The following INSL6 variants were observed in gnomAD, a reference collection of about 807,000 sequenced individuals.
INSL6 encodes insulin-like peptide INSL6.
Under a neutral mutation model 9.4 loss-of-function variants are expected in INSL6, and 16 were observed. That is an observed-to-expected ratio of 1.70 (90% CI 1.15 to 2.59). The LOEUF (loss-of-function observed/expected upper bound fraction) is 2.59, where lower values mean the gene tolerates loss of function less well. INSL6 is among the 30% of genes most tolerant of loss of function. The pLI is 0.00. For missense variants in INSL6, 391 were observed against 257.3 expected (o/e 1.52, Z -3.56); for synonymous variants, 154 against 96.9 (o/e 1.59, Z -3.46).
chr9:5,060,824 C>T, the INSL6 span, among the ~76,000 whole-genome samples: 991 of 152,308 alleles, frequency 6.5e-3, 7 homozygotes, highest in African/African-American at 0.022. Context: ...TACCCAGCTC[C>T]ATCAGATGAA....
chr9:5,025,124 G>A, the INSL6 span, among the ~76,000 whole-genome samples: 2 of 152,066 alleles, frequency 1.3e-5, no homozygotes, highest in African/African-American at 4.8e-5. Context: ...AGTTCATTCT[G>A]ACAGTTTTTA....
At chr9:5,142,902 C>A (rs1338279213) in intron 2 of INSL6, among the ~76,000 whole-genome samples, 2 of 152,078 alleles carry the variant, frequency 1.3e-5, no homozygotes, top group Admixed American at 1.3e-4. Flanking sequence ...GACAGTTTAA[C>A]ATGAATGGAT....
At chr9:4,992,198 T>A in the INSL6 span, among the ~76,000 whole-genome samples, 5 of 152,188 alleles carry the variant, frequency 3.3e-5, no homozygotes, top group African/African-American at 1.2e-4. Context: ...TTGACTGGGA[T>A]GTTAGCTGGG....
chr9:5,049,261 C>T, the INSL6 span, among the ~76,000 whole-genome samples: 5 of 152,142 alleles, frequency 3.3e-5, no homozygotes, highest in African/African-American at 4.8e-5. Flanking sequence ...ATGATGAAAA[C>T]AGATCTCCAT....
At chr9:5,098,062 A>AATT in the INSL6 span, 3 of 152,214 alleles carry the variant, frequency 2.0e-5, no homozygotes, top group African/African-American at 7.2e-5. Context: ...TTATGCTAAC[A>AATT]ATTTTTATAA....
chr9:5,132,324 T>G (rs1824307302), intron 3 of INSL6, among the ~76,000 whole-genome samples: 1 of 152,168 alleles, frequency 6.6e-6, no homozygotes, highest in Admixed American at 6.5e-5. Flanking sequence ...AGAATTTCAG[T>G]TTCTATCATC....
the INSL6 span, among the ~76,000 whole-genome samples, chr9:5,075,043 C>G: frequency 6.6e-6 from 1 of 151,964 alleles, no homozygotes; most frequent in African/African-American, 2.4e-5. Flanking sequence ...TCACAACATT[C>G]CCTTGAGCCA....
intron 2 of INSL6, among the ~76,000 whole-genome samples, chr9:5,135,606 A>G (rs936082242): frequency 2.0e-5 from 3 of 152,160 alleles, no homozygotes. Context: ...CAGAATCTCT[A>G]GGACACATTT....
intron 2 of INSL6, among the ~76,000 whole-genome samples, chr9:5,154,744 T>G (rs1824782769): frequency 6.6e-6 from 1 of 152,170 alleles, no homozygotes; most frequent in African/African-American, 2.4e-5. Context: ...CCACTGGCCA[T>G]CAGAGAAATG....
the INSL6 span, among the ~76,000 whole-genome samples, chr9:5,036,591 GACAAAA>G: frequency 1.3e-5 from 2 of 152,138 alleles, no homozygotes; most frequent in African/African-American, 2.4e-5. Flanking sequence ...TGACAAACCT[GACAAAA>G]ACAAGAAATG....
the INSL6 span, chr9:5,085,218 C>T: frequency 1.3e-4 from 86 of 666,852 alleles, no homozygotes; most frequent in African/African-American, 1.4e-3. Flanking sequence ...CTGGGAACTG[C>T]TGACAGGCAA....
intron 2 of INSL6, among the ~76,000 whole-genome samples, chr9:5,136,838 T>C (rs558595253): frequency 9.5e-4 from 144 of 152,202 alleles, no homozygotes; most frequent in Non-Finnish European, 1.5e-3. Flanking sequence ...ATTGTCTCTG[T>C]TTGCAGATGA....
the INSL6 span, among the ~76,000 whole-genome samples, chr9:5,015,851 C>T: frequency 6.6e-6 from 1 of 152,050 alleles, no homozygotes; most frequent in African/African-American, 2.4e-5. Flanking sequence ...TTCCAGTTAC[C>T]ATCCTTTCTG....
the INSL6 span, among the ~76,000 whole-genome samples, chr9:5,018,738 A>G: frequency 6.6e-6 from 1 of 152,134 alleles, no homozygotes; most frequent in East Asian, 1.9e-4. Context: ...TTGCCTCAGA[A>G]AAACTATTTT....
At chr9:5,183,585 T>C (rs890466346) in intron 1 of INSL6, among the ~76,000 whole-genome samples, 2 of 152,302 alleles carry the variant, frequency 1.3e-5, no homozygotes, top group African/African-American at 4.8e-5. Context: ...AGAAAAGGCA[T>C]TCCAACCTCT....
At chr9:5,085,251 C>CTA in the INSL6 span, 1 of 677,452 alleles carries the variant, frequency 1.5e-6, no homozygotes, top group South Asian at 1.4e-5. Flanking sequence ...CAGTGGCTAA[C>CTA]CTGAGATTCA....
At chr9:5,110,687 T>G in the INSL6 span, 2 of 321,940 alleles carry the variant, frequency 6.2e-6, no homozygotes, top group African/African-American at 4.3e-5. Flanking sequence ...GCCTGAGCCC[T>G]TTCTATTACT....
At chr9:5,152,943 G>A (rs540474501) in intron 2 of INSL6, among the ~76,000 whole-genome samples, 1 of 152,286 alleles carries the variant, frequency 6.6e-6, no homozygotes, top group South Asian at 2.1e-4. Flanking sequence ...GGAAGCACAA[G>A]GGGTCAGGGA....
At chr9:5,006,288 C>T in the INSL6 span, among the ~76,000 whole-genome samples, 1 of 149,362 alleles carries the variant, frequency 6.7e-6, no homozygotes, top group African/African-American at 2.5e-5. Flanking sequence ...TGATTTGGCT[C>T]TCTGTGTGTT....
Sources: allele counts gnomAD v4.1 joint callset (sites outside exome capture counted in the v4.1 genomes callset), GRCh38; gene constraint gnomAD v4.1.1; transcripts MANE v1.5; gene names NCBI Gene and HGNC (gene_info 2026-07-23, HGNC 2026-07-21).